AKAP19: variants seen among roughly 807,000 people sequenced by gnomAD.
AKAP19 encodes the protein small A-kinase anchoring protein.
the AKAP19 span, among the ~76,000 whole-genome samples, chr2:190,117,964 T>G: frequency 6.6e-6 from 1 of 152,082 alleles, no homozygotes. Context: ...ACAAAATTGA[T>G]AGACCACTAG....
chr2:190,122,173 T>A, the AKAP19 span, among the ~76,000 whole-genome samples: 1 of 152,214 alleles, frequency 6.6e-6, no homozygotes, highest in East Asian at 1.9e-4. Flanking sequence ...TAGTGGTGAG[T>A]TTGTGACTGA....
the AKAP19 span, among the ~76,000 whole-genome samples, chr2:190,086,058 T>G: frequency 2.6e-5 from 4 of 152,194 alleles, no homozygotes; most frequent in Non-Finnish European, 2.9e-5. Context: ...ATGGAAATAT[T>G]TGGGTAGGTT....
chr2:189,970,399 T>A, the AKAP19 span, among the ~76,000 whole-genome samples: 5 of 152,198 alleles, frequency 3.3e-5, no homozygotes, highest in Admixed American at 3.3e-4. Flanking sequence ...ATTCCCATAT[T>A]TTTAGAATAC....
the AKAP19 span, among the ~76,000 whole-genome samples, chr2:190,158,261 A>G: frequency 0.01 from 1,576 of 152,314 alleles, 25 homozygotes; most frequent in African/African-American, 0.036. Flanking sequence ...CCAGCTGAAT[A>G]AAGCCCTTCC....
At chr2:190,067,393 A>C in the AKAP19 span, among the ~76,000 whole-genome samples, 1 of 152,190 alleles carries the variant, frequency 6.6e-6, no homozygotes, top group Non-Finnish European at 1.5e-5. Context: ...TACTTTTTAC[A>C]CTACTTCAAT....
At chr2:189,938,518 TA>T in the AKAP19 span, among the ~76,000 whole-genome samples, 1 of 152,090 alleles carries the variant, frequency 6.6e-6, no homozygotes, top group African/African-American at 2.4e-5. Context: ...TTGTGGGATC[TA>T]AAAATCAAAA....
the AKAP19 span, among the ~76,000 whole-genome samples, chr2:190,147,274 T>G: frequency 6.6e-6 from 1 of 152,210 alleles, no homozygotes; most frequent in African/African-American, 2.4e-5. Flanking sequence ...CCCTACTTTA[T>G]GTTTTTGTTT....
At chr2:190,062,675 G>A in the AKAP19 span, 1 of 1,436,880 alleles carries the variant, frequency 7.0e-7, no homozygotes, top group African/African-American at 1.4e-5. Flanking sequence ...GTAATGCCAA[G>A]CAAAATTTTA....
the AKAP19 span, among the ~76,000 whole-genome samples, chr2:189,905,188 T>A: frequency 6.6e-6 from 1 of 151,996 alleles, no homozygotes. Context: ...AATATTTGGA[T>A]TTTTTAGTCT....
At chr2:189,953,572 T>A in the AKAP19 span, among the ~76,000 whole-genome samples, 1 of 146,840 alleles carries the variant, frequency 6.8e-6, no homozygotes, top group Non-Finnish European at 1.5e-5. Context: ...AGGCGGAAGT[T>A]GCAGTGAGCC....
At chr2:190,094,965 C>T in the AKAP19 span, among the ~76,000 whole-genome samples, 4 of 152,178 alleles carry the variant, frequency 2.6e-5, no homozygotes, top group Admixed American at 1.3e-4. Context: ...TGGCTCACGC[C>T]GGTAATCCCA....
the AKAP19 span, among the ~76,000 whole-genome samples, chr2:190,029,535 A>T: frequency 6.6e-6 from 1 of 152,194 alleles, no homozygotes; most frequent in Non-Finnish European, 1.5e-5. Context: ...TTGAGTGAAA[A>T]AACAGGTTAC....
chr2:189,941,969 A>C, the AKAP19 span, among the ~76,000 whole-genome samples: 1 of 152,220 alleles, frequency 6.6e-6, no homozygotes. Context: ...GGGATGGAAA[A>C]AAAGTATTCC....
the AKAP19 span, among the ~76,000 whole-genome samples, chr2:190,196,533 T>C: frequency 6.6e-6 from 1 of 151,854 alleles, no homozygotes; most frequent in Non-Finnish European, 1.5e-5. Context: ...TTTTTTTTTT[T>C]TTTCCCTTGA....
At chr2:190,143,170 T>C in the AKAP19 span, among the ~76,000 whole-genome samples, 1 of 151,894 alleles carries the variant, frequency 6.6e-6, no homozygotes, top group Non-Finnish European at 1.5e-5. Flanking sequence ...CCACACCTTG[T>C]TTTTCAGGGT....
chr2:189,971,885 C>T, the AKAP19 span, among the ~76,000 whole-genome samples: 6 of 151,570 alleles, frequency 4.0e-5, no homozygotes, highest in Admixed American at 3.9e-4. Flanking sequence ...GATATTAGCC[C>T]TTTGTCAGAT....
At chr2:189,993,134 T>C in the AKAP19 span, among the ~76,000 whole-genome samples, 1 of 152,230 alleles carries the variant, frequency 6.6e-6, no homozygotes, top group Non-Finnish European at 1.5e-5. Flanking sequence ...CCCTGTTCAG[T>C]ATAATGTTGC....
chr2:189,889,716 A>T, the AKAP19 span, among the ~76,000 whole-genome samples: 1 of 152,178 alleles, frequency 6.6e-6, no homozygotes, highest in African/African-American at 2.4e-5. Context: ...TTATTTGCAT[A>T]GAGTTGTTTA....
chr2:189,973,558 G>A, the AKAP19 span, among the ~76,000 whole-genome samples: 1 of 152,150 alleles, frequency 6.6e-6, no homozygotes, highest in Non-Finnish European at 1.5e-5. Flanking sequence ...CAGAAGGAGT[G>A]GTACCAGTTC....
Sources: allele counts gnomAD v4.1 joint callset (sites outside exome capture counted in the v4.1 genomes callset), GRCh38; gene constraint gnomAD v4.1.1; transcripts MANE v1.5; gene names NCBI Gene and HGNC (gene_info 2026-07-23, HGNC 2026-07-21).